GRIP1: variants seen among roughly 807,000 people sequenced by gnomAD.
The protein encoded by GRIP1 is glutamate receptor-interacting protein 1.
In GRIP1, 45 loss-of-function variants were observed where a neutral mutation model predicts 129.9. That is an observed-to-expected ratio of 0.35 (90% CI 0.27 to 0.44). The LOEUF (loss-of-function observed/expected upper bound fraction) is 0.44. GRIP1 is among the 20% of genes least tolerant of loss of function. The pLI, the probability that GRIP1 is intolerant of heterozygous loss-of-function variation, is 1.00. For synonymous variants in GRIP1, 530 were observed against 520.8 expected (o/e 1.02, Z -0.24); for missense variants, 1,196 against 1,396.8 (o/e 0.86, Z 2.29).
At chr12:66,411,153 AC>A (rs2057387291) in intron 15 of GRIP1, among the ~76,000 whole-genome samples, 1 of 152,084 alleles carries the variant, frequency 6.6e-6, no homozygotes, top group African/African-American at 2.4e-5. Flanking sequence ...CGGCAGCCAG[AC>A]TGCTTTTTTA....
chr12:66,500,691 T>C (rs190303037), intron 7 of GRIP1, among the ~76,000 whole-genome samples: 12 of 152,250 alleles, frequency 7.9e-5, no homozygotes, highest in Admixed American at 2.6e-4. Flanking sequence ...CAATGTTCCA[T>C]GTGAATGACT....
Position 66,639,476 on chromosome 12 carries a change from A to G in GRIP1, c.55+39374T>C, listed in dbSNP as rs1206955853. Among the ~76,000 whole-genome samples, 4 of 152,290 alleles carry G rather than the reference A, an allele frequency of 2.6e-5. No homozygotes were observed. In the East Asian group the frequency reaches 7.7e-4, roughly 29 times the overall value. ...GGATGGGTGAGGGAGAAAATCAGGG[A>G]CCAATTACAGCAAAGTGGGAGGAGC... is the stretch of plus-strand genomic sequence containing the variant. On this transcript the variant is annotated intron_variant, in intron 1 of 24. Transcript: ENST00000359742.
At chr12:66,930,586 T>C (rs1042724337) in intron 1 of GRIP1, among the ~76,000 whole-genome samples, 1 of 152,194 alleles carries the variant, frequency 6.6e-6, no homozygotes, top group African/African-American at 2.4e-5. Context: ...TGTGTCTTTA[T>C]AGCGGAGACT....
At chr12:66,426,480 C>T (rs2057991440) in intron 14 of GRIP1, among the ~76,000 whole-genome samples, 1 of 152,164 alleles carries the variant, frequency 6.6e-6, no homozygotes. Flanking sequence ...ACTCCCTGCT[C>T]ACCTCATGAA....
intron 14 of GRIP1, among the ~76,000 whole-genome samples, chr12:66,427,727 G>A: frequency 6.6e-6 from 1 of 151,988 alleles, no homozygotes; most frequent in East Asian, 1.9e-4. Flanking sequence ...ACCATTTTTT[G>A]TTCTAAATTT....
chr12:66,358,320 C>T (rs539382931), intron 23 of GRIP1, among the ~76,000 whole-genome samples: 5 of 152,152 alleles, frequency 3.3e-5, no homozygotes, highest in South Asian at 2.1e-4. Flanking sequence ...TGGTTTTGGT[C>T]GCTTCTTTAC....
upstream of GRIP1, among the ~76,000 whole-genome samples, chr12:66,682,234 C>G (rs1346993886): frequency 2.0e-5 from 3 of 152,170 alleles, no homozygotes; most frequent in Non-Finnish European, 4.4e-5. Flanking sequence ...CTATCACCTT[C>G]TCCCCTCTGA....
chr12:66,866,411 T>C (rs2040205484), intron 1 of GRIP1, among the ~76,000 whole-genome samples: 1 of 152,192 alleles, frequency 6.6e-6, no homozygotes, highest in South Asian at 2.1e-4. Flanking sequence ...AGTTCAAGAC[T>C]GCGATGAGCT....
intron 1 of GRIP1, among the ~76,000 whole-genome samples, chr12:67,041,212 T>A (rs1034113098): frequency 2.0e-5 from 3 of 152,120 alleles, no homozygotes; most frequent in African/African-American, 7.2e-5. Flanking sequence ...TATATACACA[T>A]ACATATGTGT....
intron 1 of GRIP1, among the ~76,000 whole-genome samples, chr12:67,015,367 A>C (rs991161890): frequency 3.3e-5 from 5 of 152,164 alleles, no homozygotes; most frequent in African/African-American, 1.2e-4. Context: ...AAACGTGCCT[A>C]AGTATATTTC....
At chr12:66,525,774 A>G (rs930724670) in intron 5 of GRIP1, among the ~76,000 whole-genome samples, 3 of 152,208 alleles carry the variant, frequency 2.0e-5, no homozygotes, top group Middle Eastern at 3.2e-3. Context: ...TTGTATATCT[A>G]GAAAACCCCA....
chr12:66,672,333 A>G (rs1440633082), intron 1 of GRIP1, among the ~76,000 whole-genome samples: 1 of 152,118 alleles, frequency 6.6e-6, no homozygotes, highest in Non-Finnish European at 1.5e-5. Context: ...ACTTTCTAAT[A>G]CCCCGAGCTT....
chr12:66,946,731 C>T (rs538220320), intron 1 of GRIP1, among the ~76,000 whole-genome samples: 1 of 130,502 alleles, frequency 7.7e-6, no homozygotes, highest in African/African-American at 3.0e-5. Context: ...GTAGTTTACG[C>T]CTGTAATTCC....
At chr12:66,398,819 T>A (rs935765061) in intron 16 of GRIP1, among the ~76,000 whole-genome samples, 6 of 151,928 alleles carry the variant, frequency 3.9e-5, no homozygotes, top group African/African-American at 1.5e-4. Context: ...AAGAACCAAT[T>A]TTTGCCCCCC....
chr12:66,691,956 A>C (rs370813847), intron 1 of GRIP1, among the ~76,000 whole-genome samples: 1 of 152,228 alleles, frequency 6.6e-6, no homozygotes, highest in Non-Finnish European at 1.5e-5. Context: ...GTAACAGCCA[A>C]ATTTATCTTT....
intron 1 of GRIP1, among the ~76,000 whole-genome samples, chr12:66,649,689 T>C (rs925540855): frequency 5.9e-5 from 9 of 152,112 alleles, no homozygotes; most frequent in South Asian, 4.1e-4. Flanking sequence ...TTGATGGAAA[T>C]TGGTAAAGTT....
chr12:66,690,407 C>G (rs529241873), intron 1 of GRIP1, among the ~76,000 whole-genome samples: 1 of 150,904 alleles, frequency 6.6e-6, no homozygotes, highest in Non-Finnish European at 1.5e-5. Flanking sequence ...CCACATACAC[C>G]ATATTTTCTT....
chr12:66,869,675 C>A (rs1220121639), intron 1 of GRIP1, among the ~76,000 whole-genome samples: 2 of 151,992 alleles, frequency 1.3e-5, no homozygotes, highest in African/African-American at 4.8e-5. Flanking sequence ...CAAGTACAAA[C>A]CAATGATTAA....
At chr12:66,369,340 C>CTTTT (rs758593628) in intron 23 of GRIP1, among the ~76,000 whole-genome samples, 28 of 106,746 alleles carry the variant, frequency 2.6e-4, no homozygotes, top group African/African-American at 7.0e-4. Flanking sequence ...TTAACAAGAT[C>CTTTT]TTTTTTTTTT....
Sources: allele counts gnomAD v4.1 joint callset (sites outside exome capture counted in the v4.1 genomes callset), GRCh38; gene constraint gnomAD v4.1.1; transcripts MANE v1.5; gene names NCBI Gene and HGNC (gene_info 2026-07-23, HGNC 2026-07-21).